The following CDH22 variants were observed in gnomAD, a reference collection of about 807,000 sequenced individuals.
The protein encoded by CDH22 is cadherin-22.
Under a neutral mutation model 58.4 loss-of-function variants are expected in CDH22, and 30 were observed. That is an observed-to-expected ratio of 0.51 (90% CI 0.38 to 0.70). CDH22 has a LOEUF of 0.70. Among genes scored for constraint, CDH22 ranks in the 30% least tolerant of loss-of-function variants. CDH22 has a pLI of 0.00. For missense variants in CDH22, 1,014 were observed against 1,233.9 expected (o/e 0.82, Z 2.67); for synonymous variants, 513 against 558.2 (o/e 0.92, Z 1.14).
chr20:46,291,152 C>T (rs1211310151), intron 1 of CDH22, among the ~76,000 whole-genome samples: 1 of 152,180 alleles, frequency 6.6e-6, no homozygotes, highest in African/African-American at 2.4e-5. Flanking sequence ...TGGCATGTGC[C>T]TGTAATCCCA....
At chr20:46,222,471 AG>A (rs2086134064) in intron 4 of CDH22, among the ~76,000 whole-genome samples, 1 of 152,220 alleles carries the variant, frequency 6.6e-6, no homozygotes, top group African/African-American at 2.4e-5. Flanking sequence ...AACAAATGTT[AG>A]TTTCATTCCC....
At chr20:46,203,702 A>G (rs1282102584) in intron 7 of CDH22, among the ~76,000 whole-genome samples, 2 of 152,198 alleles carry the variant, frequency 1.3e-5, no homozygotes, top group African/African-American at 4.8e-5. Context: ...TTATTCAGAG[A>G]TGTCTGGCAG....
intron 2 of CDH22, among the ~76,000 whole-genome samples, chr20:46,248,092 T>G (rs928787656): frequency 1.5e-4 from 23 of 152,214 alleles, no homozygotes; most frequent in African/African-American, 5.5e-4. Flanking sequence ...GCAACTATGT[T>G]GCTGTGTAGA....
chr20:46,210,131 T>G lies in CDH22; in HGVS notation c.1286+176A>C. 2 of 581,556 alleles carry G rather than the reference T, an allele frequency of 3.4e-6. No individual in the cohort carries two copies. Among genetic ancestry groups the G allele is most frequent in the Middle Eastern group, 5.0e-4 (1 of 2,002 alleles). The allele number at this position is 581,556 out of a possible 1,614,324, so 36.0% of individuals were successfully genotyped here. On this transcript the variant is annotated intron_variant, in intron 7 of 11. Coordinates refer to ENST00000537909, the MANE Select transcript of CDH22 (RefSeq NM_021248.3). This position sits in a 1 kb window ranked among gnomAD's most constrained non-coding sequence, Gnocchi z 4.5. ...TCTCACATCTGCTTCCTTGGCTCTTTGGCTCCGTGCCTGTTTCTCTCCACC... is the reference window on the plus strand; with the variant it reads ...TCTCACATCTGCTTCCTTGGCTCTTGGGCTCCGTGCCTGTTTCTCTCCACC...
chr20:46,187,885 G>A (rs972184582), intron 8 of CDH22, among the ~76,000 whole-genome samples: 4 of 152,138 alleles, frequency 2.6e-5, no homozygotes, highest in Admixed American at 2.6e-4. Flanking sequence ...AAACTAAAAC[G>A]TGGGATGCTT....
At chr20:46,213,266 G>T in intron 5 of CDH22, 78 bp from the exon 6 acceptor site, 2 of 1,041,100 alleles carry the variant, frequency 1.9e-6, no homozygotes, top group South Asian at 1.4e-5. Flanking sequence ...GAGGGGACAA[G>T]GGGGCCCAGG....
At chr20:46,282,726 C>T (rs911038342) in intron 1 of CDH22, among the ~76,000 whole-genome samples, 4 of 152,082 alleles carry the variant, frequency 2.6e-5, no homozygotes, top group Non-Finnish European at 4.4e-5. Flanking sequence ...AGAGCTTATC[C>T]GCCTCCCCCA....
chr20:46,277,255 G>T (rs2086523052), intron 1 of CDH22, among the ~76,000 whole-genome samples: 1 of 152,002 alleles, frequency 6.6e-6, no homozygotes. Context: ...ATAATATCAA[G>T]ACATATATGG....
rs2086030842 is a variant in CDH22 at position 46,210,231 on chromosome 20, C to T, written c.1286+76G>A. ...CCCTGCCCGCCCCAGCCCTCCTCCC[C>T]TCTGCCCGCAGTCTGTCCGCGGGGG... is the stretch of plus-strand genomic sequence containing the variant. On this transcript the variant is annotated intron_variant, in intron 7 of 11. Coordinates refer to ENST00000537909, the MANE Select transcript of CDH22 (RefSeq NM_021248.3). This position sits in a 1 kb window ranked among gnomAD's most constrained non-coding sequence, Gnocchi z 4.5. 7.5e-7 allele frequency: 1 copy of T among 1,326,560 alleles called. No individual in the cohort carries two copies. The allele number at this position is 1,326,560 out of a possible 1,614,324, so 82.2% of individuals were successfully genotyped here. A position where few individuals can be genotyped will look rare whatever the true frequency, so the allele number is the denominator to read the frequency against.
At chr20:46,267,784 G>C (rs1020325126) in intron 1 of CDH22, among the ~76,000 whole-genome samples, 1 of 152,262 alleles carries the variant, frequency 6.6e-6, no homozygotes, top group Non-Finnish European at 1.5e-5. Context: ...TATAAACGCT[G>C]CTTTAAAACA....
chr20:46,278,667 C>T (rs1366577346), intron 1 of CDH22, among the ~76,000 whole-genome samples: 4 of 152,136 alleles, frequency 2.6e-5, no homozygotes, highest in Non-Finnish European at 5.9e-5. Flanking sequence ...TCACTGCAGC[C>T]CTGACCTCCC....
chr20:46,253,227 T>C (rs1316135910), intron 1 of CDH22, among the ~76,000 whole-genome samples: 2 of 152,214 alleles, frequency 1.3e-5, no homozygotes, highest in Non-Finnish European at 2.9e-5. Flanking sequence ...ACTCTGAAAA[T>C]TGTCTTATGC....
chr20:46,208,641 C>A (rs2145684417), intron 7 of CDH22, among the ~76,000 whole-genome samples: 1 of 152,256 alleles, frequency 6.6e-6, no homozygotes, highest in East Asian at 1.9e-4. Context: ...GTTGCCCAGG[C>A]TAGAGTGCAA....
At chr20:46,268,015 C>A (rs373196627) in intron 1 of CDH22, among the ~76,000 whole-genome samples, 1 of 152,264 alleles carries the variant, frequency 6.6e-6, no homozygotes, top group Non-Finnish European at 1.5e-5. Context: ...TGCTCCAAAT[C>A]GAGCAAGGGG....
chr20:46,226,285 TCTTC>T (rs1307210534), intron 4 of CDH22, among the ~76,000 whole-genome samples: 21 of 3,610 alleles, frequency 5.8e-3, no homozygotes, highest in African/African-American at 0.019. Context: ...TTCTTCTTCT[TCTTC>T]TTCTTTTTTT....
chr20:46,218,749 G>A (rs929679413), intron 4 of CDH22, among the ~76,000 whole-genome samples: 13 of 152,284 alleles, frequency 8.5e-5, no homozygotes, highest in African/African-American at 2.6e-4. Context: ...GAGGGCAGCA[G>A]GCGTGGGGGT....
chr20:46,223,817 T>TTCCTTCCTTCCTTC (rs2086151133), intron 4 of CDH22, among the ~76,000 whole-genome samples: 1 of 138,070 alleles, frequency 7.2e-6, no homozygotes, highest in African/African-American at 2.8e-5. Flanking sequence ...TTTCTTCCTT[T>TTCCTTCCTTCCTTC]CTTCCTTCCT....
At chr20:46,181,582 C>T (rs1337029790) in intron 10 of CDH22, among the ~76,000 whole-genome samples, 2 of 150,438 alleles carry the variant, frequency 1.3e-5, no homozygotes, top group African/African-American at 2.4e-5. Flanking sequence ...GTCATTTTCC[C>T]TTCCTTCCCT....
intron 7 of CDH22, among the ~76,000 whole-genome samples, chr20:46,209,610 C>T (rs1217803182): frequency 1.3e-5 from 2 of 152,044 alleles, no homozygotes; most frequent in South Asian, 2.1e-4. Context: ...CAAGAGAAAA[C>T]GGTGGTCGGG....
Sources: gnomAD v4.1 joint callset for allele counts (sites outside exome capture counted in the v4.1 genomes callset) on GRCh38, gnomAD v4.1.1 for gene constraint, Gnocchi (gnomAD v3.1) non-coding constraint, MANE v1.5 for transcripts, NCBI Gene and HGNC (gene_info 2026-07-23, HGNC 2026-07-21) for gene names.